The following PCDHA5 variants were observed in gnomAD, a reference collection of about 807,000 sequenced individuals.
PCDHA5 encodes the protein protocadherin alpha 5, also known as protocadherin alpha-5.
A neutral mutation model predicts 61.6 loss-of-function variants in PCDHA5; 43 were observed. The observed-to-expected ratio is 0.70, with a 90% CI of 0.55 to 0.90. The LOEUF (loss-of-function observed/expected upper bound fraction) is 0.90, where lower values mean the gene tolerates loss of function less well. Ranked by LOEUF, PCDHA5 falls within the 40% of genes least tolerant of loss-of-function variation. PCDHA5 has a pLI of 0.00. For synonymous variants in PCDHA5, 627 were observed against 543.9 expected (o/e 1.15, Z -2.13); for missense variants, 1,298 against 1,222.7 (o/e 1.06, Z -0.92).
Position 140,823,929 on chromosome 5 carries a change from C to T in PCDHA5, c.2154C>T (p.Thr718=), listed in dbSNP as rs2150130451. The change falls in exon 1 of 4, where the codon ACC becomes ACT. Residue 718 remains threonine, a synonymous_variant. Coordinates refer to ENST00000529859, the MANE Select transcript of PCDHA5 (RefSeq NM_018908.3). ...SLLVLTLLLY[T]ALRCSAQPTE... The stretch of plus-strand genomic sequence containing the variant: ...TGGTGCTCACGCTGCTGCTGTACAC[C>T]GCGCTGCGGTGCTCGGCGCAGCCCA... 24 of 1,613,840 alleles carry T rather than the reference C, an allele frequency of 1.5e-5. No homozygotes were observed. The highest frequency in any genetic ancestry group is 1.9e-5 in the Non-Finnish European group (22 of 1,179,954).
Position 140,848,429 on chromosome 5 carries a change from G to A in PCDHA5, c.2352+24302G>A. Reference sequence around the variant, plus strand: ...GCGAACACAGCAGAATGGGACTGACGAAATCAGATGATTTCTTCTAATTTG... The same window carrying A: ...GCGAACACAGCAGAATGGGACTGACAAAATCAGATGATTTCTTCTAATTTG... On this transcript the variant is annotated intron_variant, in intron 1 of 3. Transcript: ENST00000529859. 4.1e-6 allele frequency: 6 copies of A among 1,456,724 alleles called. 1 individual carries two copies. Among genetic ancestry groups the A allele is most frequent in the South Asian group, 1.3e-5 (1 of 77,796 alleles). The allele number at this position is 1,456,724 out of a possible 1,614,324, so 90.2% of individuals were successfully genotyped here.
intron 3 of PCDHA5, among the ~76,000 whole-genome samples, chr5:140,992,665 T>A (rs1219714191): frequency 2.6e-5 from 4 of 152,096 alleles, no homozygotes; most frequent in Non-Finnish European, 5.9e-5. Context: ...CTGATTGGTG[T>A]GTATGTGTGT....
chr5:140,877,224 G>C (rs986695805), intron 1 of PCDHA5: 6 of 1,613,712 alleles, frequency 3.7e-6, no homozygotes, highest in Admixed American at 1.7e-5. Flanking sequence ...TACCGCGGTC[G>C]GTGGGTGCGG....
At position 141,011,145 on chromosome 5, in the gene PCDHA5, TCTC is replaced by T. The variant is rs1410974061; in HGVS notation, c.*1209_*1211del. The T allele has an allele frequency of 6.5e-6, 1 of 153,734 alleles. No individual in the cohort carries two copies. Among genetic ancestry groups the T allele is most frequent in the Non-Finnish European group, 1.5e-5 (1 of 68,036 alleles). 9.5% of individuals were successfully genotyped at this position (153,734 alleles called of 1,614,324 possible). A position where few individuals can be genotyped will look rare whatever the true frequency, so the allele number is the denominator to read the frequency against. On this transcript the variant is annotated 3_prime_UTR_variant, in exon 4 of 4. Transcript: ENST00000529859. Reference sequence around the variant, plus strand: ...TTATGTGCACTTTGATACACAACCTTCTCTAACCAACTATATATCAAGACCCAA... The same window carrying T: ...TTATGTGCACTTTGATACACAACCTTTAACCAACTATATATCAAGACCCAA...
At chr5:140,990,537 A>G (rs2097398813) in intron 3 of PCDHA5, among the ~76,000 whole-genome samples, 1 of 152,192 alleles carries the variant, frequency 6.6e-6, no homozygotes, top group Non-Finnish European at 1.5e-5. Flanking sequence ...TGTGCATCAT[A>G]GATACTGTAT....
rs183812467 is a variant in PCDHA5, at chr5:140,921,187, A to G, written c.2353-57762A>G. Among the ~76,000 whole-genome samples the G allele has an allele frequency of 1.1e-3, 174 of 152,102 alleles. 2 individuals carry two copies. Among genetic ancestry groups the G allele is most frequent in the Non-Finnish European group, 2.1e-4 (14 of 68,012 alleles). ...AACACACATAAAGCACAGTTTTTTC[A>G]CAATAGATTGACAACGATAATTCAC... On this transcript the variant is annotated intron_variant, in intron 1 of 3. Transcript: ENST00000529859.
At chr5:140,950,343 A>C (rs1169343189) in intron 1 of PCDHA5, among the ~76,000 whole-genome samples, 9 of 151,988 alleles carry the variant, frequency 5.9e-5, no homozygotes, top group African/African-American at 2.2e-4. Context: ...GATTTATCTT[A>C]GTTTTCCTTT....
intron 1 of PCDHA5, chr5:140,869,872 A>G: frequency 6.2e-7 from 1 of 1,610,558 alleles, no homozygotes; most frequent in Admixed American, 1.7e-5. Context: ...AAATGCTGCT[A>G]AAGAAACTCT....
At chr5:140,907,913 C>T (rs2073688326) in intron 1 of PCDHA5, among the ~76,000 whole-genome samples, 1 of 152,234 alleles carries the variant, frequency 6.6e-6, no homozygotes, top group Non-Finnish European at 1.5e-5. Context: ...TTTTTGACCA[C>T]TCAGAGAGGT....
chr5:140,852,172 A>T (rs2042256675), intron 1 of PCDHA5: 1 of 802,380 alleles, frequency 1.2e-6, no homozygotes, highest in South Asian at 5.6e-5. Context: ...GAGCCACAAA[A>T]ATAACTATGA....
At position 140,844,439 on chromosome 5, in the gene PCDHA5, C is replaced by T. The variant is rs1554140649; in HGVS notation, c.2352+20312C>T. Among the ~76,000 whole-genome samples, 3 of 149,204 alleles carry T rather than the reference C, an allele frequency of 2.0e-5. 1 individual carries two copies. Among genetic ancestry groups the T allele is most frequent in the African/African-American group, 7.4e-5 (3 of 40,780 alleles). ...TGTTTTTTATTCTACATGATTTTTA[C>T]AGTTGTATTGTCGCCAACTTAACAT... On this transcript the variant is annotated intron_variant, in intron 1 of 3. Coordinates refer to ENST00000529859, the MANE Select transcript of PCDHA5 (RefSeq NM_018908.3).
At chr5:140,931,853 G>A (rs2087796602) in intron 1 of PCDHA5, among the ~76,000 whole-genome samples, 1 of 151,744 alleles carries the variant, frequency 6.6e-6, no homozygotes, top group African/African-American at 2.4e-5. Context: ...ATAACAACAG[G>A]ATTCTAGAAA....
intron 1 of PCDHA5, among the ~76,000 whole-genome samples, chr5:140,905,536 T>A (rs1562950103): frequency 6.6e-6 from 1 of 152,286 alleles, no homozygotes; most frequent in East Asian, 1.9e-4. Flanking sequence ...TGGTTCCATA[T>A]GAACTTTAGG....
chr5:140,994,217 T>G (rs781792763), intron 3 of PCDHA5, among the ~76,000 whole-genome samples: 2 of 152,110 alleles, frequency 1.3e-5, no homozygotes, highest in Non-Finnish European at 2.9e-5. Flanking sequence ...GGACCCAGGG[T>G]CTGTCTATGT....
intron 1 of PCDHA5, chr5:140,877,359 C>T: frequency 1.2e-6 from 2 of 1,614,010 alleles, no homozygotes; most frequent in South Asian, 1.1e-5. Context: ...TGTACACTGG[C>T]GAGATCAGCA....
intron 1 of PCDHA5, chr5:140,877,600 C>G (rs1554169914): frequency 6.2e-7 from 1 of 1,613,878 alleles, no homozygotes; most frequent in Admixed American, 1.7e-5. Context: ...GGTGTCCAGC[C>G]TGCTGGTGCT....
At chr5:140,883,978 T>G in intron 1 of PCDHA5, 1 of 1,612,780 alleles carries the variant, frequency 6.2e-7, no homozygotes, top group Non-Finnish European at 8.5e-7. Flanking sequence ...CGCCCGGGGC[T>G]GGCAGCGCGG....
In PCDHA5 at chr5:140,842,887, G is replaced by T; in HGVS notation, c.2352+18760G>T. On this transcript the variant is annotated intron_variant, in intron 1 of 3. Coordinates refer to ENST00000529859, the MANE Select transcript of PCDHA5 (RefSeq NM_018908.3). ...GCGGCAAGGTGTACGCGCTGCAGCC[G>T]CTGGACCACGAGGAGCTAGAGCTGC... The T allele has an allele frequency of 7.5e-6, 12 of 1,594,194 alleles. 3 individuals are homozygous for T. The highest frequency in any genetic ancestry group is 1.1e-5 in the South Asian group (1 of 90,454).
chr5:140,833,215 A>G (rs1317399429), intron 1 of PCDHA5, among the ~76,000 whole-genome samples: 1 of 152,200 alleles, frequency 6.6e-6, no homozygotes, highest in Non-Finnish European at 1.5e-5. Context: ...ATAGGAATGG[A>G]CAGGTTACAC....
Sources: gnomAD v4.1 joint callset for allele counts (sites outside exome capture counted in the v4.1 genomes callset) on GRCh38, gnomAD v4.1.1 for gene constraint, MANE v1.5 for transcripts, NCBI Gene and HGNC (gene_info 2026-07-23, HGNC 2026-07-21) for gene names.